CD96: variants seen among roughly 807,000 people sequenced by gnomAD.
The protein encoded by CD96 is T-cell surface protein tactile.
CD96 carries 70 observed loss-of-function variants against 71.3 expected under a neutral mutation model. The observed-to-expected ratio is 0.98, with a 90% CI of 0.81 to 1.20. The LOEUF (loss-of-function observed/expected upper bound fraction) is 1.20. Ranked by LOEUF, CD96 falls within the 50% of genes most tolerant of loss-of-function variation. The pLI is 0.00. For synonymous variants in CD96, 248 were observed against 233.0 expected (o/e 1.06, Z -0.59); for missense variants, 742 against 677.5 (o/e 1.10, Z -1.06).
intron 14 of CD96, among the ~76,000 whole-genome samples, chr3:111,661,369 C>A (rs950357737): frequency 8.5e-5 from 13 of 152,200 alleles, no homozygotes; most frequent in African/African-American, 3.1e-4. Context: ...ATATCATGTC[C>A]TTCTCACATT....
At chr3:111,623,710 A>G (rs780808098) in intron 8 of CD96, 44 bp from the exon 9 acceptor site, 1 of 1,203,634 alleles carries the variant, frequency 8.3e-7, no homozygotes, top group Non-Finnish European at 1.2e-6. Flanking sequence ...AAACATACGA[A>G]TGTAAATACA....
intron 5 of CD96, among the ~76,000 whole-genome samples, chr3:111,589,246 G>A (rs774936165): frequency 5.1e-4 from 78 of 152,080 alleles, no homozygotes; most frequent in Non-Finnish European, 8.8e-4. Context: ...CACCATGCCC[G>A]GCCTGTTTTT....
chr3:111,542,693 T>C (rs1164172132), intron 1 of CD96, among the ~76,000 whole-genome samples: 1 of 152,222 alleles, frequency 6.6e-6, no homozygotes, highest in African/African-American at 2.4e-5. Context: ...TCAGAGATCC[T>C]TGTTTAACTT....
intron 4 of CD96, among the ~76,000 whole-genome samples, chr3:111,581,078 T>C (rs1489133999): frequency 1.3e-5 from 2 of 152,204 alleles, no homozygotes; most frequent in African/African-American, 4.8e-5. Context: ...TTAAATGTTT[T>C]TCAGCCTTCT....
At chr3:111,593,853 G>A in intron 5 of CD96, 1 of 1,613,940 alleles carries the variant, frequency 6.2e-7, no homozygotes, top group Non-Finnish European at 8.5e-7. Flanking sequence ...TGCCCAGCCT[G>A]ACCATGGCCA....
At position 111,566,168 on chromosome 3, in the gene CD96, G is replaced by A. The variant is rs114033827; in HGVS notation, c.419-1355G>A. ...ACTAATACTGTATAAAAGTTATACC[G>A]TTTTATAACATATATATATATATTC... On this transcript the variant is annotated intron_variant, in intron 2 of 13. Coordinates refer to ENST00000352690, the MANE Select transcript of CD96 (RefSeq NM_005816.5). Among the ~76,000 whole-genome samples the A allele has an allele frequency of 7.9e-3, 1,198 of 151,144 alleles. 36 individuals carry two copies. The highest frequency in any genetic ancestry group is 0.051 in the Admixed American group (775 of 15,176).
chr3:111,663,245 A>G (rs146612948), intron 14 of CD96, among the ~76,000 whole-genome samples: 5,113 of 152,292 alleles, frequency 0.034, 249 homozygotes, highest in African/African-American at 0.11. Flanking sequence ...CAAGAGCAGC[A>G]AGGGGGAAAT....
intron 8 of CD96, among the ~76,000 whole-genome samples, chr3:111,618,121 C>G (rs994988882): frequency 6.6e-6 from 1 of 152,240 alleles, no homozygotes; most frequent in Non-Finnish European, 1.5e-5. Context: ...CCAGACCCCA[C>G]GCTCACTCGT....
chr3:111,659,677 CA>C (rs1940310810), intron 14 of CD96, among the ~76,000 whole-genome samples: 1 of 152,048 alleles, frequency 6.6e-6, no homozygotes, highest in South Asian at 2.1e-4. Context: ...GTTAACATAC[CA>C]TAATCAAGTA....
chr3:111,574,692 T>C (rs1936142159), intron 3 of CD96, among the ~76,000 whole-genome samples: 1 of 152,146 alleles, frequency 6.6e-6, no homozygotes, highest in South Asian at 2.1e-4. Flanking sequence ...CTGATTTTCA[T>C]ATTTGTTTGT....
chr3:111,578,010 A>C (rs931613762), intron 3 of CD96, among the ~76,000 whole-genome samples: 1 of 152,170 alleles, frequency 6.6e-6, no homozygotes, highest in African/African-American at 2.4e-5. Context: ...CAATTGTCCT[A>C]GCTATGGCCT....
At chr3:111,641,764 A>G (rs1371619131) in intron 12 of CD96, among the ~76,000 whole-genome samples, 2 of 152,356 alleles carry the variant, frequency 1.3e-5, no homozygotes, top group Non-Finnish European at 2.9e-5. Flanking sequence ...ATGAGCTTCA[A>G]TAAATTTAAG....
intron 7 of CD96, among the ~76,000 whole-genome samples, chr3:111,605,009 ATGTCC>A (rs1205344194): frequency 6.6e-6 from 1 of 152,232 alleles, no homozygotes; most frequent in Non-Finnish European, 1.5e-5. Context: ...TTCCAAGCCA[ATGTCC>A]TGTCTTATTA....
At chr3:111,657,514 G>A (rs1940261502) in intron 14 of CD96, among the ~76,000 whole-genome samples, 1 of 151,332 alleles carries the variant, frequency 6.6e-6, no homozygotes, top group Admixed American at 6.6e-5. Context: ...GGGGGTGGTG[G>A]GAACAAGGTG....
chr3:111,622,654 C>G (rs1211196318), intron 8 of CD96, among the ~76,000 whole-genome samples: 1 of 152,198 alleles, frequency 6.6e-6, no homozygotes, highest in African/African-American at 2.4e-5. Context: ...CCAACTAAAG[C>G]TTGAGGATGA....
intron 8 of CD96, among the ~76,000 whole-genome samples, 172 bp from the exon 9 acceptor site, chr3:111,623,578 ATTAT>A (rs1938607491): frequency 6.6e-6 from 1 of 152,204 alleles, no homozygotes; most frequent in East Asian, 1.9e-4. Flanking sequence ...TTGGATATTG[ATTAT>A]TTAACCACAA....
chr3:111,624,507 A>T (rs1938655151), intron 10 of CD96, 103 bp downstream of exon 10: 1 of 767,656 alleles, frequency 1.3e-6, no homozygotes, highest in Admixed American at 1.8e-5. Flanking sequence ...TAATATTTGC[A>T]AATGTTCACA....
chr3:111,635,674 A>G (rs1035714772), intron 10 of CD96, among the ~76,000 whole-genome samples: 1 of 152,184 alleles, frequency 6.6e-6, no homozygotes, highest in Non-Finnish European at 1.5e-5. Context: ...AATGTTCTAT[A>G]TTGACTCACT....
chr3:111,594,141 C>T (rs1937140761), intron 5 of CD96: 1 of 1,613,232 alleles, frequency 6.2e-7, no homozygotes, highest in Non-Finnish European at 8.5e-7. Context: ...TCCTTCATCT[C>T]TAAGTCCCCT....
Sources: allele counts gnomAD v4.1 joint callset (sites outside exome capture counted in the v4.1 genomes callset), GRCh38; gene constraint gnomAD v4.1.1; transcripts MANE v1.5; gene names NCBI Gene and HGNC (gene_info 2026-07-23, HGNC 2026-07-21).